The following IPCEF1 variants were observed in gnomAD, a reference collection of about 807,000 sequenced individuals.
IPCEF1 encodes interactor protein for cytohesin exchange factors 1.
IPCEF1 carries 31 observed loss-of-function variants against 50.9 expected under a neutral mutation model. The observed-to-expected ratio is 0.61, with a 90% CI of 0.46 to 0.82. The LOEUF (loss-of-function observed/expected upper bound fraction) is 0.82, where lower values mean the gene tolerates loss of function less well. IPCEF1 is among the 40% of genes least tolerant of loss of function. The pLI is 0.00. For synonymous variants in IPCEF1, 181 were observed against 192.0 expected (o/e 0.94, Z 0.47); for missense variants, 458 against 514.0 (o/e 0.89, Z 1.05).
chr6:154,343,115 AAG>A (rs368546174), intron 1 of IPCEF1, among the ~76,000 whole-genome samples: 1 of 151,946 alleles, frequency 6.6e-6, no homozygotes, highest in Non-Finnish European at 1.5e-5. Flanking sequence ...GACGCTATAA[AAG>A]AGAGAGAGAG....
intron 1 of IPCEF1, among the ~76,000 whole-genome samples, chr6:154,310,248 T>C (rs1317175991): frequency 6.6e-6 from 1 of 152,148 alleles, no homozygotes; most frequent in African/African-American, 2.4e-5. Flanking sequence ...GGACATATGA[T>C]TGGCAAATAG....
intron 1 of IPCEF1, chr6:154,306,566 G>A (rs1672052334): frequency 6.6e-6 from 1 of 152,192 alleles, no homozygotes; most frequent in Non-Finnish European, 1.5e-5. Context: ...AAGACCCAGA[G>A]ATGGCTCATG....
At chr6:154,310,931 G>C (rs1392822059) in intron 1 of IPCEF1, among the ~76,000 whole-genome samples, 1 of 152,104 alleles carries the variant, frequency 6.6e-6, no homozygotes, top group African/African-American at 2.4e-5. Flanking sequence ...AAGTGTTGGT[G>C]TTGTATTGCA....
At chr6:154,267,229 A>G (rs1781779589) in intron 2 of IPCEF1, among the ~76,000 whole-genome samples, 3 of 152,190 alleles carry the variant, frequency 2.0e-5, no homozygotes, top group Admixed American at 2.0e-4. Flanking sequence ...GAACCATAAA[A>G]TAGAGTTCTT....
chr6:154,221,232 G>A (rs1778839704), intron 7 of IPCEF1, 25 bp downstream of exon 7: 2 of 1,581,450 alleles, frequency 1.3e-6, no homozygotes, highest in African/African-American at 1.3e-5. Flanking sequence ...ATTAAGGATG[G>A]GGTTTACCAG....
At chr6:154,352,606 C>T (rs1366491978) in intron 1 of IPCEF1, among the ~76,000 whole-genome samples, 1 of 152,206 alleles carries the variant, frequency 6.6e-6, no homozygotes. Context: ...TGTCTGCCGA[C>T]TATCTCTCCT....
At position 154,217,740 on chromosome 6, in the gene IPCEF1, T is replaced by TA. The variant is rs370779138; in HGVS notation, c.393-3465dup. On this transcript the variant is annotated intron_variant, in intron 7 of 11. Transcript: ENST00000367220. The stretch of plus-strand genomic sequence containing the variant: ...TTTAAAATACCACAATAACAATTTT[T>TA]AGCTTATACCTTAGTTCATAATTGT... Among the ~76,000 whole-genome samples, 1,046 of 152,342 alleles carry TA rather than the reference T, an allele frequency of 6.9e-3. 11 individuals carry two copies. Among genetic ancestry groups the TA allele is most frequent in the Middle Eastern group, 0.024 (7 of 294 alleles).
chr6:154,261,189 T>C (rs1583917149), intron 3 of IPCEF1, among the ~76,000 whole-genome samples: 1 of 152,174 alleles, frequency 6.6e-6, no homozygotes, highest in Non-Finnish European at 1.5e-5. Context: ...CATGAACCAA[T>C]ACGCCTGGCT....
chr6:154,288,401 C>T (rs559625865), intron 2 of IPCEF1, among the ~76,000 whole-genome samples: 4 of 152,222 alleles, frequency 2.6e-5, no homozygotes, highest in South Asian at 2.1e-4. Flanking sequence ...CGGTGGCTCA[C>T]GCCTGTAATC....
intron 2 of IPCEF1, among the ~76,000 whole-genome samples, chr6:154,274,236 G>A (rs1781985009): frequency 1.3e-5 from 2 of 151,864 alleles, no homozygotes; most frequent in Non-Finnish European, 2.9e-5. Flanking sequence ...ATTGACAGAT[G>A]GTTTTAAGAA....
At chr6:154,354,481 A>G (rs1208092016) in intron 1 of IPCEF1, among the ~76,000 whole-genome samples, 1 of 149,534 alleles carries the variant, frequency 6.7e-6, no homozygotes, top group Non-Finnish European at 1.5e-5. Context: ...AACCACCTCC[A>G]CCATCTCTAC....
chr6:154,193,155 G>T (rs145784585), intron 10 of IPCEF1, among the ~76,000 whole-genome samples: 1 of 152,008 alleles, frequency 6.6e-6, no homozygotes, highest in African/African-American at 2.4e-5. Flanking sequence ...AAGAAACTGT[G>T]GTACATATAT....
At chr6:154,264,061 A>T (rs769511567) in intron 3 of IPCEF1, among the ~76,000 whole-genome samples, 251 of 150,776 alleles carry the variant, frequency 1.7e-3, no homozygotes, top group Non-Finnish European at 2.7e-3. Flanking sequence ...CTCCTAGCCA[A>T]AGCCTCCTAC....
At chr6:154,220,245 A>G (rs1401066487) in intron 7 of IPCEF1, among the ~76,000 whole-genome samples, 1 of 152,186 alleles carries the variant, frequency 6.6e-6, no homozygotes, top group African/African-American at 2.4e-5. Context: ...TTCCATTAAC[A>G]TATTTTCAAT....
chr6:154,160,917 A>G (rs530390461), intron 11 of IPCEF1, among the ~76,000 whole-genome samples: 1 of 152,188 alleles, frequency 6.6e-6, no homozygotes, highest in East Asian at 1.9e-4. Context: ...CTCCACCTCC[A>G]CTTAGCAGAG....
rs531404980 is a variant in IPCEF1 at position 154,355,498 on chromosome 6, T to C, written c.-62+1174A>G. Among the ~76,000 whole-genome samples, 977 of 151,894 alleles carry C rather than the reference T, an allele frequency of 6.4e-3. 10 individuals carry two copies. The highest frequency in any genetic ancestry group is 0.018 in the African/African-American group (767 of 41,476). ...GTTTCTTTTCTTTCTTTCTTTCTTT[T>C]TTTTTTTTGAGATGAACTCTTGCTC... is the stretch of plus-strand genomic sequence containing the variant. On this transcript the variant is annotated intron_variant, in intron 1 of 11. Coordinates refer to ENST00000367220, the MANE Select transcript of IPCEF1 (RefSeq NM_001130700.2).
At chr6:154,331,095 C>T (rs544690937) in intron 1 of IPCEF1, among the ~76,000 whole-genome samples, 7 of 151,976 alleles carry the variant, frequency 4.6e-5, no homozygotes, top group Non-Finnish European at 7.4e-5. Flanking sequence ...GGCAAAACCC[C>T]GTCTCTACTA....
chr6:154,226,861 C>T (rs981683657), intron 5 of IPCEF1, among the ~76,000 whole-genome samples: 4 of 152,120 alleles, frequency 2.6e-5, no homozygotes, highest in Admixed American at 2.0e-4. Flanking sequence ...CCCCCTCCCC[C>T]ATTCAGCCAA....
Position 154,301,839 on chromosome 6 carries a change from C to A in IPCEF1, c.-61-12083G>T, listed in dbSNP as rs1054324072. Among the ~76,000 whole-genome samples, 9 of 152,050 alleles carry A rather than the reference C, an allele frequency of 5.9e-5. 1 individual carries two copies. In the South Asian group the frequency reaches 1.9e-3, roughly 32 times the overall value. ...TACTAATAAGTAAAAATAAATAATACCTTATACTCTCAAAAGGTTAAAAAA... is the reference window on the plus strand; with the variant it reads ...TACTAATAAGTAAAAATAAATAATAACTTATACTCTCAAAAGGTTAAAAAA... On this transcript the variant is annotated intron_variant, in intron 1 of 11. Transcript: ENST00000367220.
Sources: gnomAD v4.1 joint callset for allele counts (sites outside exome capture counted in the v4.1 genomes callset) on GRCh38, gnomAD v4.1.1 for gene constraint, MANE v1.5 for transcripts, NCBI Gene and HGNC (gene_info 2026-07-23, HGNC 2026-07-21) for gene names.